The following PLCZ1 variants were observed in gnomAD, a reference collection of about 807,000 sequenced individuals.
PLCZ1 encodes the protein 1-phosphatidylinositol 4,5-bisphosphate phosphodiesterase zeta-1.
In PLCZ1, 64 loss-of-function variants were observed where a neutral mutation model predicts 76.8. The observed-to-expected ratio is 0.83, with a 90% CI of 0.68 to 1.03. PLCZ1 has a LOEUF of 1.03. Among genes scored for constraint, PLCZ1 ranks in the 50% least tolerant of loss-of-function variants. The pLI, the probability that PLCZ1 is intolerant of heterozygous loss-of-function variation, is 0.00. For missense variants in PLCZ1, 751 were observed against 713.7 expected (o/e 1.05, Z -0.60); for synonymous variants, 248 against 230.8 (o/e 1.07, Z -0.68).
chr12:18,683,553 C>A, intron 14 of PLCZ1: 1 of 1,491,890 alleles, frequency 6.7e-7, no homozygotes, highest in African/African-American at 1.4e-5. Context: ...CTTCTCCTTC[C>A]GCAAAGCGCT....
chr12:18,692,857 C>T (rs2137139413), intron 12 of PLCZ1: 2 of 1,599,354 alleles, frequency 1.3e-6, no homozygotes, highest in South Asian at 1.1e-5. Flanking sequence ...AAATATGAAC[C>T]TCCTGTACCA....
At chr12:18,648,720 G>C in the PLCZ1 span, among the ~76,000 whole-genome samples, 1 of 151,978 alleles carries the variant, frequency 6.6e-6, no homozygotes, top group East Asian at 1.9e-4. Flanking sequence ...TCTCCCTTCT[G>C]ATCAAATTTC....
At chr12:18,713,034 A>G in intron 5 of PLCZ1, 48 bp from the exon 6 acceptor site, 1 of 1,603,150 alleles carries the variant, frequency 6.2e-7, no homozygotes, top group Non-Finnish European at 8.5e-7. Context: ...ACCATTAAAA[A>G]TATATACCAA....
chr12:18,721,076 T>C (rs1475018240), intron 4 of PLCZ1, among the ~76,000 whole-genome samples: 1 of 152,112 alleles, frequency 6.6e-6, no homozygotes, highest in South Asian at 2.1e-4. Flanking sequence ...GAATCATGCA[T>C]TGTAACAGTA....
the PLCZ1 span, among the ~76,000 whole-genome samples, chr12:18,675,916 T>A: frequency 1.3e-5 from 2 of 152,020 alleles, no homozygotes; most frequent in Admixed American, 1.3e-4. Context: ...TTGGGTACAA[T>A]GTTAACTATT....
chr12:18,665,193 G>C, the PLCZ1 span, among the ~76,000 whole-genome samples: 1 of 151,374 alleles, frequency 6.6e-6, no homozygotes, highest in Non-Finnish European at 1.5e-5. Context: ...AAAAAAATAA[G>C]AACAAAGAAT....
At position 18,699,950 on chromosome 12, in the gene PLCZ1, T is replaced by A. The variant is rs777273699; in HGVS notation, c.1018A>T (p.Thr340Ser). The A allele has an allele frequency of 1.2e-6, 2 of 1,607,816 alleles. No homozygotes were observed. Among genetic ancestry groups the A allele is most frequent in the Non-Finnish European group, 8.5e-7 (1 of 1,177,070 alleles). Residue 340 changes from threonine (T) to serine (S), a missense_variant and splice_region_variant, in exon 10 of 15, where the codon ACC becomes TCC. Thr to Ser is a moderately conservative substitution (Grantham distance 58). Transcript: ENST00000266505. ...GCCAGAGCAATTTTTAGCTTCCTGG[T>A]CTAAAAATAAAATGCAGTAATTTTA... ...PGVMLFKKKK[T>S]RKLKIALALS... is the part of the protein sequence containing the mutation.
intron 4 of PLCZ1, among the ~76,000 whole-genome samples, chr12:18,720,051 G>C (rs1480350698): frequency 6.6e-6 from 1 of 152,014 alleles, no homozygotes; most frequent in African/African-American, 2.4e-5. Context: ...ATCTGACTTC[G>C]AAAAGCATAG....
chr12:18,722,420 G>C (rs73056413), intron 4 of PLCZ1, among the ~76,000 whole-genome samples: 3 of 152,076 alleles, frequency 2.0e-5, no homozygotes, highest in Admixed American at 6.6e-5. Context: ...ATCCAATGCA[G>C]AAATAAGTTT....
chr12:18,688,121 A>G lies in PLCZ1; in HGVS notation c.1559T>C (p.Met520Thr), dbSNP rs1159433807. ...IEVFGVPNDQ[M>T]KQQTRVIKKN... ...TTTAATTACACGAGTCTGCTGCTTC[A>G]TTTGATCATTTGGAACACCAAAAAC... The change falls in exon 13 of 15, where the codon ATG (methionine) becomes ACG (threonine). Residue 520 changes from methionine (M) to threonine (T), a missense_variant. Met to Thr is a moderately conservative substitution (Grantham distance 81). Coordinates refer to ENST00000266505, the MANE Select transcript of PLCZ1 (RefSeq NM_033123.4). 4.3e-6 allele frequency: 7 copies of G among 1,611,554 alleles called. No individual in the cohort carries two copies. Among genetic ancestry groups the G allele is most frequent in the Non-Finnish European group, 5.9e-6 (7 of 1,179,048 alleles).
intron 3 of PLCZ1, among the ~76,000 whole-genome samples, chr12:18,729,883 A>G (rs919638481): frequency 2.0e-5 from 3 of 152,108 alleles, no homozygotes; most frequent in Non-Finnish European, 4.4e-5. Flanking sequence ...TTGTAAGAAA[A>G]TAAACTCACA....
downstream of PLCZ1, among the ~76,000 whole-genome samples, chr12:18,682,691 C>A (rs956174122): frequency 1.8e-4 from 27 of 152,052 alleles, no homozygotes; most frequent in Non-Finnish European, 3.8e-4. Context: ...CAATTTTATA[C>A]ACACTCGTAA....
the PLCZ1 span, among the ~76,000 whole-genome samples, chr12:18,648,985 T>A: frequency 6.6e-6 from 1 of 152,122 alleles, no homozygotes; most frequent in East Asian, 1.9e-4. Flanking sequence ...CTCCTCTATA[T>A]CATATGAGCA....
At chr12:18,669,321 G>A in the PLCZ1 span, among the ~76,000 whole-genome samples, 1 of 152,060 alleles carries the variant, frequency 6.6e-6, no homozygotes, top group African/African-American at 2.4e-5. Context: ...GTGGTCTCTT[G>A]TATTCTTACT....
chr12:18,691,875 G>A (rs1954142988), intron 12 of PLCZ1, among the ~76,000 whole-genome samples: 1 of 152,102 alleles, frequency 6.6e-6, no homozygotes, highest in Admixed American at 6.6e-5. Flanking sequence ...ACTGTTTCCT[G>A]CAATGGTCAG....
At chr12:18,672,302 G>A in the PLCZ1 span, among the ~76,000 whole-genome samples, 3 of 151,888 alleles carry the variant, frequency 2.0e-5, no homozygotes, top group South Asian at 2.1e-4. Context: ...TTACTCAGTC[G>A]TCATTGCTCA....
At chr12:18,692,361 G>A (rs1954235384) in intron 12 of PLCZ1, among the ~76,000 whole-genome samples, 2 of 152,092 alleles carry the variant, frequency 1.3e-5, no homozygotes, top group South Asian at 4.1e-4. Context: ...TAAGTGGAGA[G>A]AAAAAGCAAC....
intron 4 of PLCZ1, among the ~76,000 whole-genome samples, chr12:18,722,219 T>C (rs35394644): frequency 0.88 from 134,162 of 151,872 alleles, 59,348 homozygotes; most frequent in East Asian, 1. Flanking sequence ...CATCACCTTC[T>C]TGCTCTATGT....
At chr12:18,715,168 T>TGGG (rs553194589) in intron 5 of PLCZ1, among the ~76,000 whole-genome samples, 1 of 1,602 alleles carries the variant, frequency 6.2e-4, no homozygotes, top group Non-Finnish European at 5.6e-3. Flanking sequence ...AGAAAGGCGG[T>TGGG]GGGGGGGGGG....
Sources: gnomAD v4.1 joint callset for allele counts (sites outside exome capture counted in the v4.1 genomes callset) on GRCh38, gnomAD v4.1.1 for gene constraint, MANE v1.5 for transcripts, NCBI Gene and HGNC (gene_info 2026-07-23, HGNC 2026-07-21) for gene names.